The following RB1 variants were observed in gnomAD, a reference collection of about 807,000 sequenced individuals.
RB1 encodes the protein retinoblastoma-associated protein.
A neutral mutation model predicts 135.4 loss-of-function variants in RB1; 18 were observed. The observed-to-expected ratio is 0.13, with a 90% CI of 0.09 to 0.20. The LOEUF (loss-of-function observed/expected upper bound fraction) is 0.20. Ranked by LOEUF, RB1 falls within the 10% of genes least tolerant of loss-of-function variation. The pLI is 1.00. For missense variants in RB1, 868 were observed against 1,110.0 expected, an observed-to-expected ratio of 0.78 and a Z score of 3.10; for synonymous variants, 365 against 373.2, an observed-to-expected ratio of 0.98 and a Z score of 0.25.
chr13:48,390,583 A>G (rs932042321), intron 17 of RB1, among the ~76,000 whole-genome samples: 1 of 152,184 alleles, frequency 6.6e-6, no homozygotes, highest in Non-Finnish European at 1.5e-5. Context: ...CTCCTGGCTC[A>G]CTTAAAAAAA....
chr13:48,366,824 A>G (rs1952704431), intron 9 of RB1, among the ~76,000 whole-genome samples: 1 of 152,202 alleles, frequency 6.6e-6, no homozygotes, highest in African/African-American at 2.4e-5. Context: ...ATAAGCATAA[A>G]AGATTAAAAG....
intron 17 of RB1, chr13:48,411,283 T>C (rs890053532): frequency 9.0e-6 from 8 of 889,810 alleles, no homozygotes; most frequent in Non-Finnish European, 1.5e-5. Context: ...AAAATGTCCA[T>C]GTGTTAATTT....
chr13:48,478,231 T>C (rs1949515976), intron 26 of RB1, among the ~76,000 whole-genome samples: 1 of 152,212 alleles, frequency 6.6e-6, no homozygotes. Context: ...ATGAGAGGCT[T>C]TCTTTTAATA....
chr13:48,458,117 TC>T (rs1949372997), intron 19 of RB1, among the ~76,000 whole-genome samples: 2 of 152,246 alleles, frequency 1.3e-5, no homozygotes, highest in South Asian at 4.1e-4. Context: ...TTCCTGCTTG[TC>T]CCCGGCTCCT....
chr13:48,454,540 C>T (rs1241920287), intron 18 of RB1, among the ~76,000 whole-genome samples: 1 of 152,144 alleles, frequency 6.6e-6, no homozygotes, highest in Admixed American at 6.5e-5. Flanking sequence ...GGCCTGGGTC[C>T]TTCCCCTCAT....
At chr13:48,444,096 T>G (rs1317905150) in intron 17 of RB1, among the ~76,000 whole-genome samples, 1 of 152,030 alleles carries the variant, frequency 6.6e-6, no homozygotes, top group African/African-American at 2.4e-5. Context: ...CTGGTTGGGG[T>G]CTCAGTGCCC....
chr13:48,462,451 T>A (rs1192238205), intron 20 of RB1, among the ~76,000 whole-genome samples: 1 of 152,204 alleles, frequency 6.6e-6, no homozygotes, highest in East Asian at 1.9e-4. Flanking sequence ...GAGTTATTTG[T>A]CTTGTTATTA....
chr13:48,329,396 G>T (rs1057253259), intron 2 of RB1, among the ~76,000 whole-genome samples: 5 of 152,220 alleles, frequency 3.3e-5, no homozygotes, highest in South Asian at 2.1e-4. Context: ...TTTTATTCAA[G>T]ATATACAAAG....
chr13:48,358,325 A>G (rs1305526059), intron 6 of RB1, among the ~76,000 whole-genome samples: 1 of 151,972 alleles, frequency 6.6e-6, no homozygotes, highest in Non-Finnish European at 1.5e-5. Context: ...CTGGGACTGT[A>G]TATGTGTAAC....
chr13:48,306,290 A>T (rs1198211115), intron 1 of RB1, among the ~76,000 whole-genome samples: 2 of 151,920 alleles, frequency 1.3e-5, no homozygotes, highest in Non-Finnish European at 2.9e-5. Context: ...CTGTAGGCTC[A>T]TCTACTCAGG....
chr13:48,419,998 A>G (rs933749550), intron 17 of RB1, among the ~76,000 whole-genome samples: 2 of 152,226 alleles, frequency 1.3e-5, no homozygotes, highest in East Asian at 3.8e-4. Flanking sequence ...AAACTATTCC[A>G]AGCAATAGAA....
intron 21 of RB1, among the ~76,000 whole-genome samples, chr13:48,464,116 T>C (rs887072727): frequency 5.3e-5 from 8 of 152,330 alleles, no homozygotes; most frequent in African/African-American, 1.9e-4. Context: ...AAACTTGACA[T>C]GAGTCATAGA....
At chr13:48,369,422 T>G (rs1325865375) in intron 11 of RB1, among the ~76,000 whole-genome samples, 1 of 152,192 alleles carries the variant, frequency 6.6e-6, no homozygotes, top group Non-Finnish European at 1.5e-5. Flanking sequence ...TCCTGTCTCC[T>G]CACCATCAAA....
intron 2 of RB1, chr13:48,320,103 C>A: frequency 1.5e-6 from 1 of 680,344 alleles, no homozygotes; most frequent in South Asian, 1.8e-5. Flanking sequence ...ATGTCCCGGT[C>A]CACGGAATCA....
intron 24 of RB1, among the ~76,000 whole-genome samples, chr13:48,475,886 A>C (rs185748064): frequency 6.6e-6 from 1 of 152,354 alleles, no homozygotes; most frequent in African/African-American, 2.4e-5. Flanking sequence ...TTATAAGGAC[A>C]GTTGGAACTG....
At chr13:48,312,382 T>C (rs900090204) in intron 2 of RB1, among the ~76,000 whole-genome samples, 2 of 152,190 alleles carry the variant, frequency 1.3e-5, no homozygotes, top group East Asian at 1.9e-4. Flanking sequence ...GGTTCCTTTT[T>C]TTAGGGGAAA....
At chr13:48,349,412 G>A (rs1039481918) in intron 6 of RB1, among the ~76,000 whole-genome samples, 3 of 151,772 alleles carry the variant, frequency 2.0e-5, no homozygotes, top group African/African-American at 7.3e-5. Context: ...TGCAGTTAAG[G>A]TATAGAATTT....
intron 16 of RB1, 82 bp downstream of exon 16, chr13:48,380,323 A>G (rs941380871): frequency 9.6e-7 from 1 of 1,037,908 alleles, no homozygotes; most frequent in Non-Finnish European, 1.5e-6. Context: ...GGGGAGAGGG[A>G]TAGTGTGAGG....
intron 17 of RB1, among the ~76,000 whole-genome samples, chr13:48,430,770 A>AAC (rs1566223583): frequency 4.4e-4 from 66 of 150,532 alleles, no homozygotes; most frequent in South Asian, 3.4e-3. Context: ...ACAAACAAAA[A>AAC]AAAAAAACAG....
Sources: allele counts gnomAD v4.1 joint callset (sites outside exome capture counted in the v4.1 genomes callset), GRCh38; gene constraint gnomAD v4.1.1; transcripts MANE v1.5; gene names NCBI Gene and HGNC (gene_info 2026-07-23, HGNC 2026-07-21).